TBC1D1: variants seen among roughly 807,000 people sequenced by gnomAD.
The protein encoded by TBC1D1 is TBC1 domain family member 1.
Under a neutral mutation model 125.6 loss-of-function variants are expected in TBC1D1, and 89 were observed. That is an observed-to-expected ratio of 0.71 (90% confidence interval 0.60 to 0.85). TBC1D1 has a LOEUF of 0.85. TBC1D1 is among the 40% of genes least tolerant of loss of function. The pLI is 0.00. For missense variants in TBC1D1, 1,377 were observed against 1,469.2 expected (o/e 0.94, Z 1.03); for synonymous variants, 565 against 564.1 (o/e 1.00, Z -0.02).
chr4:38,000,461 G>C (rs1642812892), intron 2 of TBC1D1, among the ~76,000 whole-genome samples: 1 of 152,176 alleles, frequency 6.6e-6, no homozygotes, highest in Non-Finnish European at 1.5e-5. Context: ...TCCCAAATCT[G>C]AAAATCCAAA....
At chr4:38,032,795 A>C (rs563741733) in intron 7 of TBC1D1, among the ~76,000 whole-genome samples, 1 of 150,594 alleles carries the variant, frequency 6.6e-6, no homozygotes, top group African/African-American at 2.5e-5. Context: ...AGATTGTGCC[A>C]CTGCACTCCA....
intron 2 of TBC1D1, among the ~76,000 whole-genome samples, chr4:37,929,433 G>T (rs1372786692): frequency 6.6e-6 from 1 of 152,160 alleles, no homozygotes; most frequent in Non-Finnish European, 1.5e-5. Flanking sequence ...TCCCCATGGG[G>T]TATTTGTTAA....
At chr4:38,126,086 A>C (rs1332253798) in intron 18 of TBC1D1, among the ~76,000 whole-genome samples, 1 of 152,272 alleles carries the variant, frequency 6.6e-6, no homozygotes, top group African/African-American at 2.4e-5. Context: ...GGTATAGCCT[A>C]CTACACACCT....
intron 15 of TBC1D1, among the ~76,000 whole-genome samples, chr4:38,113,114 T>C (rs1385215424): frequency 1.3e-5 from 2 of 152,188 alleles, no homozygotes; most frequent in African/African-American, 2.4e-5. Flanking sequence ...TCCCCCTAAA[T>C]TGGTACATAA....
intron 6 of TBC1D1, among the ~76,000 whole-genome samples, chr4:38,027,130 A>G (rs1560645357): frequency 6.6e-6 from 1 of 152,364 alleles, no homozygotes; most frequent in East Asian, 1.9e-4. Context: ...AACCTGAGGT[A>G]GAGTCCAAAT....
chr4:37,929,992 T>C (rs1419862311), intron 2 of TBC1D1, among the ~76,000 whole-genome samples: 1 of 152,202 alleles, frequency 6.6e-6, no homozygotes, highest in Non-Finnish European at 1.5e-5. Flanking sequence ...GGTAAATACA[T>C]GCACACCCCA....
chr4:38,100,683 G>C (rs1760154616), intron 14 of TBC1D1, among the ~76,000 whole-genome samples: 1 of 152,142 alleles, frequency 6.6e-6, no homozygotes, highest in Admixed American at 6.5e-5. Context: ...TGGTTTACAG[G>C]GGCCCTGTAT....
intron 15 of TBC1D1, among the ~76,000 whole-genome samples, chr4:38,109,752 C>T (rs375063310): frequency 4.6e-5 from 7 of 152,212 alleles, no homozygotes; most frequent in Non-Finnish European, 8.8e-5. Context: ...GGGAAGCACA[C>T]GTTCTAGTGG....
At chr4:37,972,917 A>G (rs1560551232) in intron 2 of TBC1D1, among the ~76,000 whole-genome samples, 3 of 151,958 alleles carry the variant, frequency 2.0e-5, no homozygotes, top group Non-Finnish European at 2.9e-5. Flanking sequence ...AAAAAAAAAA[A>G]AAAAGAAAAT....
At chr4:38,015,796 CA>C (rs2152428815) in intron 3 of TBC1D1, among the ~76,000 whole-genome samples, 1 of 152,202 alleles carries the variant, frequency 6.6e-6, no homozygotes, top group African/African-American at 2.4e-5. Flanking sequence ...GTGAGATGGC[CA>C]GGGGGTAAAA....
At chr4:38,000,991 C>T (rs951812299) in intron 2 of TBC1D1, among the ~76,000 whole-genome samples, 3 of 152,086 alleles carry the variant, frequency 2.0e-5, no homozygotes, top group African/African-American at 4.8e-5. Context: ...GAGGCTGAGG[C>T]GAGCGGATCA....
chr4:38,035,669 G>T lies in TBC1D1; in HGVS notation c.1384G>T (p.Glu462Ter). Residue 462 changes from glutamate (E) to a stop codon, truncating the protein, a stop_gained, in exon 8 of 20, where the codon GAA becomes TAA. Coordinates refer to ENST00000261439, the MANE Select transcript of TBC1D1 (RefSeq NM_015173.4). LOFTEE classifies it high-confidence loss of function. ...ATGTTTATATGAAGAGAAACAGAAAGAACACATCCATATTGGGGAGATGAA... is the reference window on the plus strand; with the variant it reads ...ATGTTTATATGAAGAGAAACAGAAATAACACATCCATATTGGGGAGATGAA... The T allele has an allele frequency of 1.2e-6, 2 of 1,613,504 alleles. No individual in the cohort carries two copies. The highest frequency in any genetic ancestry group is 2.2e-5 in the East Asian group (1 of 44,832).
chr4:38,054,911 G>C (rs917704027), intron 12 of TBC1D1: 2 of 120,798 alleles, frequency 1.7e-5, no homozygotes, highest in African/African-American at 5.1e-5. Context: ...CGGGGGTTGT[G>C]GGGGAGCGTG....
chr4:38,131,680 C>G (rs765756346), intron 18 of TBC1D1, among the ~76,000 whole-genome samples: 3 of 152,118 alleles, frequency 2.0e-5, no homozygotes, highest in Admixed American at 2.0e-4. Context: ...CCAGTGGAGC[C>G]GCAATTTTAA....
At chr4:38,030,525 T>C (rs1299708377) in intron 7 of TBC1D1, 7 of 152,246 alleles carry the variant, frequency 4.6e-5, no homozygotes, top group African/African-American at 1.7e-4. Flanking sequence ...GCTTGTTAGA[T>C]GGTCTTGTTG....
intron 2 of TBC1D1, among the ~76,000 whole-genome samples, chr4:37,921,414 A>AT (rs149265712): frequency 1.6e-4 from 24 of 147,060 alleles, no homozygotes; most frequent in African/African-American, 3.2e-4. Context: ...CATATATATA[A>AT]TTTTTTTTTT....
chr4:38,115,406 G>T (rs371708953), intron 15 of TBC1D1, among the ~76,000 whole-genome samples: 20 of 152,240 alleles, frequency 1.3e-4, no homozygotes, highest in East Asian at 1.2e-3. Context: ...CTGGCCAACA[G>T]TTTTCTTTTT....
intron 2 of TBC1D1, among the ~76,000 whole-genome samples, chr4:37,988,298 T>A (rs997054762): frequency 6.6e-6 from 1 of 152,214 alleles, no homozygotes; most frequent in South Asian, 2.1e-4. Flanking sequence ...AGAATCTGTG[T>A]CCCTGTGAGT....
chr4:38,054,488 A>T lies in TBC1D1; in HGVS notation c.2050+150A>T, dbSNP rs563617865. 7 of 1,023,636 alleles carry T rather than the reference A, an allele frequency of 6.8e-6. No individual in the cohort carries two copies. In the South Asian group the frequency reaches 1.1e-4, roughly 17 times the overall value. 63.4% of individuals were successfully genotyped at this position (1,023,636 alleles called of 1,614,324 possible). A position where few individuals can be genotyped will look rare whatever the true frequency, so the allele number is the denominator to read the frequency against. ...ACAAAGGTAACTAGGGAGGGAATTT[A>T]GAGGTTACCCTCCATTTCTTAGGGA... On this transcript the variant is annotated intron_variant, in intron 12 of 19. Transcript: ENST00000261439.
Sources: gnomAD v4.1 joint callset for allele counts (sites outside exome capture counted in the v4.1 genomes callset) on GRCh38, gnomAD v4.1.1 for gene constraint, MANE v1.5 for transcripts, NCBI Gene and HGNC (gene_info 2026-07-23, HGNC 2026-07-21) for gene names.